LIPK: variants seen among roughly 807,000 people sequenced by gnomAD.
LIPK encodes the protein lipase member K.
LIPK carries 32 observed loss-of-function variants against 48.6 expected under a neutral mutation model. That is an observed-to-expected ratio of 0.66 (90% CI 0.50 to 0.88). The LOEUF (loss-of-function observed/expected upper bound fraction) is 0.88, where lower values mean the gene tolerates loss of function less well. Among genes scored for constraint, LIPK ranks in the 40% least tolerant of loss-of-function variants. LIPK has a pLI of 0.00. For synonymous variants in LIPK, 164 were observed against 157.4 expected (o/e 1.04, Z -0.32); for missense variants, 507 against 478.5 (o/e 1.06, Z -0.56).
intron 9 of LIPK, among the ~76,000 whole-genome samples, chr10:88,750,911 AAAAC>A (rs577858751): frequency 5.3e-4 from 81 of 152,272 alleles, no homozygotes; most frequent in South Asian, 2.5e-3. Flanking sequence ...ACAAAAACAA[AAAAC>A]AAACAAACAA....
chr10:88,742,661 A>C (rs1842700160), intron 8 of LIPK, among the ~76,000 whole-genome samples: 1 of 152,246 alleles, frequency 6.6e-6, no homozygotes, highest in Non-Finnish European at 1.5e-5. Context: ...TACATTATGC[A>C]CATCACAGCA....
At chr10:88,714,033 T>C (rs1376390834) in intron 1 of LIPK, among the ~76,000 whole-genome samples, 2 of 152,214 alleles carry the variant, frequency 1.3e-5, no homozygotes, top group East Asian at 3.9e-4. Flanking sequence ...GTTGTTGTTT[T>C]CTCTTTCGAT....
chr10:88,749,131 AT>A (rs1390073645), intron 9 of LIPK, among the ~76,000 whole-genome samples: 1 of 152,250 alleles, frequency 6.6e-6, no homozygotes, highest in Non-Finnish European at 1.5e-5. Flanking sequence ...GATGATACAA[AT>A]GGAAAAACAT....
At chr10:88,744,207 G>A (rs1043582541) in intron 9 of LIPK, among the ~76,000 whole-genome samples, 2 of 152,230 alleles carry the variant, frequency 1.3e-5, no homozygotes, top group African/African-American at 4.8e-5. Flanking sequence ...TGCCCAACCA[G>A]AGTGCCTCCC....
intron 1 of LIPK, among the ~76,000 whole-genome samples, chr10:88,711,304 A>G (rs1842021854): frequency 1.3e-5 from 2 of 152,092 alleles, no homozygotes; most frequent in African/African-American, 4.8e-5. Context: ...CTATATATAT[A>G]TGTAGTGAAA....
intron 6 of LIPK, among the ~76,000 whole-genome samples, chr10:88,733,574 G>T (rs1937134086): frequency 6.6e-6 from 1 of 152,162 alleles, no homozygotes; most frequent in South Asian, 2.1e-4. Flanking sequence ...TGCTTACATT[G>T]CCTGTTGGTA....
intron 1 of LIPK, among the ~76,000 whole-genome samples, chr10:88,714,163 T>C (rs865258): frequency 0.78 from 119,070 of 151,898 alleles, 47,643 homozygotes; most frequent in East Asian, 1. Context: ...ATTATAATTG[T>C]ACCTGGAGGA....
intron 8 of LIPK, among the ~76,000 whole-genome samples, chr10:88,741,400 T>C (rs1842677939): frequency 6.6e-6 from 1 of 152,108 alleles, no homozygotes; most frequent in Non-Finnish European, 1.5e-5. Flanking sequence ...AACGTTTGTT[T>C]CTTTTTACAA....
chr10:88,726,817 G>T lies in LIPK; in HGVS notation c.128G>T (p.Gly43Val). ...TAGAGCCAGATTATTTCTTACTGGG[G>T]TTATCCTTATGAAGAGTATGATGTT... ...MNISQIISYW[G>V]YPYEEYDVTT... Residue 43 changes from glycine to valine, a missense_variant, in exon 3 of 10, where the codon GGT (glycine) becomes GTT (valine). By Grantham distance (109) the Gly-to-Val change is moderately radical. Transcript: ENST00000404190. The T allele has an allele frequency of 6.3e-7, 1 of 1,591,104 alleles. No individual in the cohort carries two copies. The highest frequency in any genetic ancestry group is 8.6e-7 in the Non-Finnish European group (1 of 1,160,770).
chr10:88,724,087 A>C (rs1842286433), intron 1 of LIPK, among the ~76,000 whole-genome samples: 1 of 152,180 alleles, frequency 6.6e-6, no homozygotes, highest in Non-Finnish European at 1.5e-5. Context: ...AATACTTTTA[A>C]ATTTACAAGA....
intron 6 of LIPK, 63 bp from the exon 7 acceptor site, chr10:88,737,570 ATC>A (rs1842597583): frequency 6.5e-7 from 1 of 1,547,322 alleles, no homozygotes; most frequent in Non-Finnish European, 8.9e-7. Flanking sequence ...TCTTTGAACT[ATC>A]TCTTTCTCCA....
intron 1 of LIPK, among the ~76,000 whole-genome samples, chr10:88,709,151 TTCA>T (rs1420218996): frequency 1.3e-5 from 2 of 152,216 alleles, no homozygotes; most frequent in Non-Finnish European, 2.9e-5. Flanking sequence ...TGAAACAAAA[TTCA>T]TCATCAATTC....
In LIPK at chr10:88,743,334, T is replaced by A. The variant is rs779833606; in HGVS notation, c.960+13T>A. On this transcript the variant is annotated intron_variant, in intron 9 of 9. Coordinates refer to ENST00000404190, the MANE Select transcript of LIPK (RefSeq NM_001080518.2). ...GCACTTCCATCAGGTACAAAAATAATCCTCATAATCAGTTCCATGCTGCAA... is the reference window on the plus strand; with the variant it reads ...GCACTTCCATCAGGTACAAAAATAAACCTCATAATCAGTTCCATGCTGCAA... The A allele has an allele frequency of 1.3e-6, 2 of 1,562,684 alleles. No homozygotes were observed. The highest frequency in any genetic ancestry group is 2.3e-5 in the South Asian group (2 of 85,788).
At chr10:88,737,825 C>G in intron 7 of LIPK, 44 bp downstream of exon 7, 2 of 1,601,372 alleles carry the variant, frequency 1.2e-6, no homozygotes, top group Non-Finnish European at 1.7e-6. Context: ...TGTTTTGTTG[C>G]ACAGAAGTGA....
chr10:88,710,056 C>T (rs1842000245), intron 1 of LIPK, among the ~76,000 whole-genome samples: 2 of 151,856 alleles, frequency 1.3e-5, no homozygotes, highest in Admixed American at 6.6e-5. Context: ...CTCTATTTAA[C>T]ATAATGTTAT....
chr10:88,743,263 G>T lies in LIPK; in HGVS notation c.902G>T (p.Gly301Val). The T allele has an allele frequency of 1.3e-6, 2 of 1,587,184 alleles. No homozygotes were observed. Among genetic ancestry groups the T allele is most frequent in the Non-Finnish European group, 8.6e-7 (1 of 1,164,392 alleles). ...MLHWAQAVNS[G>V]QLQAFDWGNS... ...ATTTTATTTTAGGCTGTTAATTCTG[G>T]TCAGCTCCAAGCTTTTGATTGGGGA... Residue 301 changes from glycine (G) to valine (V), a missense_variant, in exon 9 of 10, where the codon GGT (glycine) becomes GTT (valine). By Grantham distance (109) the Gly-to-Val change is moderately radical (BLOSUM62 -3). Coordinates refer to ENST00000404190, the MANE Select transcript of LIPK (RefSeq NM_001080518.2).
At chr10:88,736,155 G>GGAGGGAGAGGTA (rs142231463) in intron 6 of LIPK, among the ~76,000 whole-genome samples, 32,609 of 151,142 alleles carry the variant, frequency 0.22, 3,678 homozygotes, top group East Asian at 0.36. Context: ...AGGAAGGGAA[G>GGAGGGAGAGGTA]GAGGGAGAGG....
intron 1 of LIPK, among the ~76,000 whole-genome samples, chr10:88,714,108 T>C (rs907694599): frequency 1.1e-4 from 16 of 152,142 alleles, no homozygotes; most frequent in Admixed American, 2.0e-4. Context: ...ACATGCTTTC[T>C]CTTGTTTCAT....
intron 9 of LIPK, among the ~76,000 whole-genome samples, chr10:88,746,298 A>C (rs1456473051): frequency 6.6e-6 from 1 of 152,090 alleles, no homozygotes; most frequent in Non-Finnish European, 1.5e-5. Flanking sequence ...TCTAGAGAAC[A>C]CTCGACCCAA....
Sources: allele counts gnomAD v4.1 joint callset (sites outside exome capture counted in the v4.1 genomes callset), GRCh38; gene constraint gnomAD v4.1.1; transcripts MANE v1.5; gene names NCBI Gene and HGNC (gene_info 2026-07-23, HGNC 2026-07-21).